TLE1: variants seen among roughly 807,000 people sequenced by gnomAD.
The protein encoded by TLE1 is transducin-like enhancer protein 1.
Under a neutral mutation model 89.8 loss-of-function variants are expected in TLE1, and 21 were observed. The ratio of observed to expected loss-of-function variants is 0.23; its 90% confidence interval spans 0.17 to 0.34. The LOEUF is 0.34. Ranked by LOEUF, TLE1 falls within the 10% of genes least tolerant of loss-of-function variation. The pLI, the probability that TLE1 is intolerant of heterozygous loss-of-function variation, is 1.00. For synonymous variants in TLE1, 447 were observed against 407.6 expected (o/e 1.10, Z -1.16); for missense variants, 795 against 1,031.2 (o/e 0.77, Z 3.14).
At position 81,686,035 on chromosome 9, in the gene TLE1, T is replaced by C. The variant is rs556593998; in HGVS notation, c.126-139A>G. 25 of 806,770 alleles carry C rather than the reference T, an allele frequency of 3.1e-5. No individual in the cohort carries two copies. The East Asian group carries it at 4.8e-4, about 15-fold the overall frequency. 50.0% of individuals were successfully genotyped at this position (806,770 alleles called of 1,614,324 possible). On this transcript the variant is annotated intron_variant, in intron 2 of 19. Transcript: ENST00000376499. ...CTATCTAGGTAAACACCCAAAAGCT[T>C]TGTCCTTGCATTTAATAGGGAAAAG...
intron 9 of TLE1, among the ~76,000 whole-genome samples, chr9:81,619,409 T>C (rs1222940660): frequency 1.3e-5 from 2 of 152,182 alleles, no homozygotes; most frequent in South Asian, 2.1e-4. Flanking sequence ...AGCAAATCAC[T>C]GGGATGTTAT....
intron 4 of TLE1, among the ~76,000 whole-genome samples, chr9:81,677,898 G>GT (rs1456519724): frequency 1.3e-5 from 2 of 152,192 alleles, no homozygotes; most frequent in East Asian, 3.9e-4. Context: ...GTACAGTGGT[G>GT]TATATCTAGC....
rs374497497 is a variant in TLE1, at chr9:81,613,976, C to T, written c.919-455G>A. 1.3e-3 allele frequency among the ~76,000 whole-genome samples: 187 copies of T among 147,406 alleles called. 2 individuals are homozygous for T. The South Asian group carries it at 0.038, about 30-fold the overall frequency. ...AAGCTGGAGTGCAGTGGCGCAATCT[C>T]GGCCTACTACAAGCTCCGCCTCCCG... On this transcript the variant is annotated intron_variant, in intron 11 of 19. Coordinates refer to ENST00000376499, the MANE Select transcript of TLE1 (RefSeq NM_005077.5).
Position 81,614,836 on chromosome 9 carries a change from C to T in TLE1, c.918+1146G>A, listed in dbSNP as rs144887114. Among the ~76,000 whole-genome samples the T allele has an allele frequency of 7.6e-3, 1,154 of 151,608 alleles. 11 individuals carry two copies. The highest frequency in any genetic ancestry group is 0.012 in the Non-Finnish European group (800 of 67,888). On this transcript the variant is annotated intron_variant, in intron 11 of 19. Coordinates refer to ENST00000376499, the MANE Select transcript of TLE1 (RefSeq NM_005077.5). ...ATATCGGGGCATGCTCTATGACATG[C>T]CCCGATATTAAGGATCAGTCTACCA...
chr9:81,585,968 A>G (rs772196333), intron 17 of TLE1, among the ~76,000 whole-genome samples: 4 of 151,700 alleles, frequency 2.6e-5, no homozygotes, highest in Admixed American at 2.6e-4. Flanking sequence ...ATACGATCAT[A>G]TATCACCTAT....
At chr9:81,644,942 C>T (rs1828641000) in intron 6 of TLE1, among the ~76,000 whole-genome samples, 1 of 141,590 alleles carries the variant, frequency 7.1e-6, no homozygotes, top group African/African-American at 2.7e-5. Flanking sequence ...TGCAGTGAGC[C>T]GATATCGCAC....
At position 81,602,096 on chromosome 9, in the gene TLE1, T is replaced by C. The variant is rs753344999; in HGVS notation, c.1331+8124A>G. 3.7e-4 allele frequency among the ~76,000 whole-genome samples: 56 copies of C among 151,974 alleles called. 1 individual carries two copies. The highest frequency in any genetic ancestry group is 1.2e-4 in the African/African-American group (5 of 41,364). On this transcript the variant is annotated intron_variant, in intron 14 of 19. Transcript: ENST00000376499. The stretch of plus-strand genomic sequence containing the variant: ...ATCCATGAAGGCTTCATGAAGGAGG[T>C]AGCAACTCAAGTGGGCTTTGAAGGA...
chr9:81,587,664 G>A lies in TLE1; in HGVS notation c.1977+17C>T, dbSNP rs374286064. On this transcript the variant is annotated intron_variant, in intron 17 of 19. Coordinates refer to ENST00000376499, the MANE Select transcript of TLE1 (RefSeq NM_005077.5). ...CCACCTCCCAGACTCCAGGGCAGGC[G>A]GAAGCCACTCAGTCACCTGGGAGGT... 23 of 1,602,472 alleles carry A rather than the reference G, an allele frequency of 1.4e-5. No individual in the cohort carries two copies. Among genetic ancestry groups the A allele is most frequent in the East Asian group, 2.2e-5 (1 of 44,754 alleles).
intron 14 of TLE1, chr9:81,600,006 GAAGTATTCCAGCCA>G: frequency 1.5e-6 from 1 of 654,164 alleles, no homozygotes; most frequent in Non-Finnish European, 2.8e-6. Flanking sequence ...GATAAATGAG[GAAGTATTCCAGCCA>G]AAGTCAACAT....
chr9:81,685,771 C>T, intron 3 of TLE1, 51 bp from the exon 4 acceptor site: 1 of 1,612,070 alleles, frequency 6.2e-7, no homozygotes, highest in Non-Finnish European at 8.5e-7. Flanking sequence ...GTTTTTTACA[C>T]TCTGCTAACA....
intron 14 of TLE1, among the ~76,000 whole-genome samples, chr9:81,603,573 A>C (rs2131965862): frequency 6.6e-6 from 1 of 152,328 alleles, no homozygotes; most frequent in East Asian, 1.9e-4. Context: ...AAATAAACTT[A>C]CCAAAATAAC....
intron 14 of TLE1, among the ~76,000 whole-genome samples, chr9:81,601,547 G>A (rs1027881273): frequency 6.6e-6 from 1 of 151,696 alleles, no homozygotes; most frequent in African/African-American, 2.4e-5. Flanking sequence ...ATATAAGGCA[G>A]GTAGAGCACA....
At chr9:81,623,721 C>G (rs1396085494) in intron 8 of TLE1, among the ~76,000 whole-genome samples, 1 of 151,466 alleles carries the variant, frequency 6.6e-6, no homozygotes, top group Non-Finnish European at 1.5e-5. Context: ...ACCTGGGAGG[C>G]GGAGGTTGCA....
At chr9:81,687,928 C>T (rs1834557023) in intron 1 of TLE1, among the ~76,000 whole-genome samples, 2 of 152,048 alleles carry the variant, frequency 1.3e-5, no homozygotes, top group South Asian at 4.1e-4. Context: ...TGCCCCCACT[C>T]GGGGAAGGTA....
Position 81,583,911 on chromosome 9 carries a change from G to A in TLE1, c.*287C>T, listed in dbSNP as rs1046820783. 9.0e-5 allele frequency: 34 copies of A among 376,590 alleles called. No homozygotes were observed. Among genetic ancestry groups the A allele is most frequent in the Non-Finnish European group, 1.6e-4 (33 of 203,934 alleles). 23.3% of individuals were successfully genotyped at this position (376,590 alleles called of 1,614,324 possible). A position where few individuals can be genotyped will look rare whatever the true frequency, so the allele number is the denominator to read the frequency against. On this transcript the variant is annotated 3_prime_UTR_variant, in exon 20 of 20. Transcript: ENST00000376499. Reference sequence around the variant, plus strand: ...GCGTGATCCCCAGATCACCCAGAAAGAAAGAATGGGCTGTCATGTGAGTCG... The same window carrying A: ...GCGTGATCCCCAGATCACCCAGAAAAAAAGAATGGGCTGTCATGTGAGTCG...
chr9:81,645,854 G>A (rs1462766377), intron 6 of TLE1, among the ~76,000 whole-genome samples: 1 of 152,150 alleles, frequency 6.6e-6, no homozygotes, highest in African/African-American at 2.4e-5. Context: ...AACATCTCCT[G>A]TACCTCATAA....
chr9:81,592,051 G>A (rs1829604930), intron 15 of TLE1, among the ~76,000 whole-genome samples: 1 of 152,174 alleles, frequency 6.6e-6, no homozygotes, highest in South Asian at 2.1e-4. Context: ...GTAAATCCTG[G>A]GGTTATGGTT....
intron 7 of TLE1, 75 bp from the exon 8 acceptor site, chr9:81,633,439 G>T: frequency 2.5e-6 from 4 of 1,596,432 alleles, no homozygotes; most frequent in East Asian, 2.2e-5. Context: ...ATAAAAAAAA[G>T]GGGGGAATAA....
chr9:81,632,475 CTTTTTTTTTT>C (rs11376391), intron 8 of TLE1, among the ~76,000 whole-genome samples: 1 of 79,882 alleles, frequency 1.3e-5, no homozygotes, highest in Non-Finnish European at 3.2e-5. Flanking sequence ...TTCAGTATCC[CTTTTTTTTTT>C]TTTTTTTTTT....
Sources: gnomAD v4.1 joint callset for allele counts (sites outside exome capture counted in the v4.1 genomes callset) on GRCh38, gnomAD v4.1.1 for gene constraint, MANE v1.5 for transcripts, NCBI Gene and HGNC (gene_info 2026-07-23, HGNC 2026-07-21) for gene names.